ARMC12: variants seen among roughly 807,000 people sequenced by gnomAD.
ARMC12 encodes the protein armadillo repeat-containing protein 12.
ARMC12 carries 25 observed loss-of-function variants against 37.4 expected under a neutral mutation model. The ratio of observed to expected loss-of-function variants is 0.67; its 90% CI spans 0.49 to 0.93. The LOEUF is 0.93. Ranked by LOEUF, ARMC12 falls within the 40% of genes least tolerant of loss-of-function variation. ARMC12 has a pLI of 0.00. For synonymous variants in ARMC12, 167 were observed against 176.1 expected, an observed-to-expected ratio of 0.95 and a Z score of 0.41; for missense variants, 384 against 426.6, an observed-to-expected ratio of 0.90 and a Z score of 0.88.
Position 35,748,627 on chromosome 6 carries a change from G to C in ARMC12, c.780G>C (p.Glu260Asp), listed in dbSNP as rs200217484. 13 of 1,610,370 alleles carry C rather than the reference G, an allele frequency of 8.1e-6. No homozygotes were observed. The East Asian group carries it at 2.7e-4, about 33-fold the overall frequency. ...TGGTGTTTGCTGAGCGGCTGAGTGA[G>C]GGCCGGAACGCACCCCACTACCACG... The part of the protein sequence containing the change: ...EVLVFAERLS[E>D]GRNAPHYHVV... The change falls in exon 6 of 6, where the codon GAG (glutamate) becomes GAC (aspartate). Residue 260 changes from glutamate (E) to aspartate (D), a missense_variant. Transcript: ENST00000373866.
intron 2 of ARMC12, 78 bp from the exon 3 acceptor site, chr6:35,738,306 G>A: frequency 6.5e-7 from 1 of 1,528,842 alleles, no homozygotes; most frequent in African/African-American, 1.4e-5. Flanking sequence ...GTGTGCGGAG[G>A]GATCTTGGTG....
chr6:35,743,310 G>A (rs900416821), intron 3 of ARMC12, among the ~76,000 whole-genome samples: 5 of 151,194 alleles, frequency 3.3e-5, no homozygotes, highest in African/African-American at 1.2e-4. Flanking sequence ...TCCGCCTCCC[G>A]GGTTCAAGTG....
In ARMC12 at chr6:35,748,965, T is replaced by C. The variant is rs1326294247; in HGVS notation, c.*95T>C. ...GTGGCCTTCCAGGGCTGGGTGGAGA[T>C]TTCATTCAGCATAACCTCTGCTCCA... On this transcript the variant is annotated 3_prime_UTR_variant, in exon 6 of 6. Coordinates refer to ENST00000373866, the MANE Select transcript of ARMC12 (RefSeq NM_001286574.2). 4.2e-5 allele frequency: 53 copies of C among 1,263,110 alleles called. No individual in the cohort carries two copies. Among genetic ancestry groups the C allele is most frequent in the Non-Finnish European group, 5.5e-5 (51 of 925,130 alleles). The allele number at this position is 1,263,110 out of a possible 1,614,324, so 78.2% of individuals were successfully genotyped here.
chr6:35,742,165 A>C (rs977380235), intron 3 of ARMC12, among the ~76,000 whole-genome samples: 16 of 151,802 alleles, frequency 1.1e-4, no homozygotes, highest in African/African-American at 3.6e-4. Context: ...TCAGGCTGTG[A>C]TTCTCAAGCA....
intron 3 of ARMC12, among the ~76,000 whole-genome samples, chr6:35,743,265 G>A (rs983278409): frequency 2.0e-5 from 3 of 149,584 alleles, no homozygotes; most frequent in Admixed American, 1.3e-4. Context: ...TGCCAAGGCT[G>A]GAGTGCAATG....
At chr6:35,746,821 G>A in intron 3 of ARMC12, among the ~76,000 whole-genome samples, 1 of 152,096 alleles carries the variant, frequency 6.6e-6, no homozygotes, top group Non-Finnish European at 1.5e-5. Flanking sequence ...CTGGGGATGG[G>A]GGAGCGTGTT....
rs1213178089 is a variant in ARMC12, at chr6:35,749,074, C to T, written c.*204C>T. On this transcript the variant is annotated 3_prime_UTR_variant, in exon 6 of 6. Coordinates refer to ENST00000373866, the MANE Select transcript of ARMC12 (RefSeq NM_001286574.2). Reference sequence around the variant, plus strand: ...GACTAGCTCCCCTCTTCTCTTGCTGCTTTTCTTTCTTTTTTTTTTTTTGAG... The same window carrying T: ...GACTAGCTCCCCTCTTCTCTTGCTGTTTTTCTTTCTTTTTTTTTTTTTGAG... 6 of 496,570 alleles carry T rather than the reference C, an allele frequency of 1.2e-5. No homozygotes were observed. The highest frequency in any genetic ancestry group is 6.7e-5 in the South Asian group (2 of 30,054). The allele number at this position is 496,570 out of a possible 1,614,324, so 30.8% of individuals were successfully genotyped here. A position where few individuals can be genotyped will look rare whatever the true frequency, so the allele number is the denominator to read the frequency against.
chr6:35,738,037 C>T lies in ARMC12; in HGVS notation c.174C>T (p.Val58=), dbSNP rs35769368. 4.5e-4 allele frequency: 730 copies of T among 1,613,340 alleles called. 2 individuals carry two copies. The highest frequency in any genetic ancestry group is 5.6e-4 in the Non-Finnish European group (665 of 1,180,024). ...NSPICIARLA[V]ERERHGRDSG... is the part of the protein sequence containing the mutation. ...GGGGTGGCTGTCTAGGCCTGGCAGT[C>T]GAGCGAGAGCGGCACGGGCGGGACT... Residue 58 remains valine (V), a synonymous_variant, in exon 2 of 6, where the codon GTC becomes GTT. Transcript: ENST00000373866.
At chr6:35,745,704 T>C (rs968322986) in intron 3 of ARMC12, among the ~76,000 whole-genome samples, 2 of 152,210 alleles carry the variant, frequency 1.3e-5, no homozygotes, top group African/African-American at 4.8e-5. Context: ...GAAGAGCACA[T>C]GGGACCTCGC....
intron 3 of ARMC12, among the ~76,000 whole-genome samples, chr6:35,742,959 C>A (rs116618996): frequency 1.3e-5 from 2 of 152,182 alleles, no homozygotes; most frequent in African/African-American, 4.8e-5. Flanking sequence ...ACCCCAGCCA[C>A]GTACAATGCA....
At chr6:35,741,145 G>T (rs1767154682) in intron 3 of ARMC12, among the ~76,000 whole-genome samples, 1 of 152,076 alleles carries the variant, frequency 6.6e-6, no homozygotes, top group Admixed American at 6.6e-5. Flanking sequence ...CTCTGTGGTG[G>T]TCTCTTTCGT....
At chr6:35,733,032 C>T (rs1391869619), upstream of ARMC12, among the ~76,000 whole-genome samples, 3 of 152,080 alleles carry the variant, frequency 2.0e-5, no homozygotes, top group African/African-American at 4.8e-5. Context: ...ATTAGCCGGG[C>T]GTGGTGGTGC....
chr6:35,738,285 G>GT (rs1561919714), intron 2 of ARMC12, 99 bp from the exon 3 acceptor site: 12 of 1,136,054 alleles, frequency 1.1e-5, no homozygotes, highest in African/African-American at 5.2e-5. Flanking sequence ...GCTGATAGCG[G>GT]TGGGGGGGGG....
chr6:35,734,557 C>T (rs997749842), upstream of ARMC12, among the ~76,000 whole-genome samples: 1 of 152,172 alleles, frequency 6.6e-6, no homozygotes, highest in Non-Finnish European at 1.5e-5. Context: ...AATTCCAGCC[C>T]TTTGGGAGGC....
upstream of ARMC12, among the ~76,000 whole-genome samples, chr6:35,732,442 A>G (rs142332389): frequency 1.8e-3 from 281 of 152,344 alleles, no homozygotes; most frequent in Non-Finnish European, 2.1e-3. Flanking sequence ...AGGAGGAAAC[A>G]GACTCAGATT....
intron 3 of ARMC12, among the ~76,000 whole-genome samples, chr6:35,746,434 C>T (rs923329703): frequency 3.9e-5 from 6 of 152,038 alleles, no homozygotes; most frequent in Non-Finnish European, 7.4e-5. Flanking sequence ...CACATTGGAC[C>T]GTATGCCACT....
intron 3 of ARMC12, among the ~76,000 whole-genome samples, chr6:35,741,552 T>G (rs376119639): frequency 3.9e-5 from 6 of 152,054 alleles, no homozygotes; most frequent in Admixed American, 2.6e-4. Context: ...GTAGCTGGAA[T>G]CACAGGCGTG....
At chr6:35,736,815 G>A (rs564068571), upstream of ARMC12, 38 of 419,340 alleles carry the variant, frequency 9.1e-5, no homozygotes, top group Middle Eastern at 2.0e-3. Flanking sequence ...TCACCATATT[G>A]GCCAGGCTGG....
chr6:35,734,727 G>C (rs867891905), upstream of ARMC12, among the ~76,000 whole-genome samples: 1 of 151,930 alleles, frequency 6.6e-6, no homozygotes. Context: ...GCTTGAGTCT[G>C]GGAGGCAGAG....
Sources: allele counts gnomAD v4.1 joint callset (sites outside exome capture counted in the v4.1 genomes callset), GRCh38; gene constraint gnomAD v4.1.1; transcripts MANE v1.5; gene names NCBI Gene and HGNC (gene_info 2026-07-23, HGNC 2026-07-21).